The following LUZP1 variants were observed in gnomAD, a reference collection of about 807,000 sequenced individuals.
LUZP1 encodes the protein leucine zipper protein 1.
LUZP1 carries 25 observed loss-of-function variants against 71.3 expected under a neutral mutation model. That is an observed-to-expected ratio of 0.35 (90% confidence interval 0.26 to 0.49). The LOEUF is 0.49. Ranked by LOEUF, LUZP1 falls within the 20% of genes least tolerant of loss-of-function variation. The probability of loss-of-function intolerance (pLI) is 0.99; values close to 1 mark genes in which losing one functional copy is unlikely to be tolerated. For missense variants in LUZP1, 1,142 were observed against 1,300.8 expected, an observed-to-expected ratio of 0.88 and a Z score of 1.88; for synonymous variants, 481 against 506.4, an observed-to-expected ratio of 0.95 and a Z score of 0.67.
At chr1:23,172,173 A>G (rs1644556365) in intron 1 of LUZP1, among the ~76,000 whole-genome samples, 1 of 152,158 alleles carries the variant, frequency 6.6e-6, no homozygotes, top group Non-Finnish European at 1.5e-5. Flanking sequence ...ACATGTCCTC[A>G]TCCTCCCAGC....
chr1:23,171,516 C>A (rs1644552747), intron 1 of LUZP1, among the ~76,000 whole-genome samples: 1 of 152,306 alleles, frequency 6.6e-6, no homozygotes, highest in South Asian at 2.1e-4. Flanking sequence ...TTAAACCGCC[C>A]TTGGCATCTC....
chr1:23,159,508 T>C (rs1644447784), intron 2 of LUZP1, among the ~76,000 whole-genome samples: 1 of 152,226 alleles, frequency 6.6e-6, no homozygotes, highest in Non-Finnish European at 1.5e-5. Flanking sequence ...CAGTTCCTCA[T>C]CTGTAAAATG....
At chr1:23,130,261 T>TTCGGTATA (rs1644203839) in intron 2 of LUZP1, among the ~76,000 whole-genome samples, 1 of 152,194 alleles carries the variant, frequency 6.6e-6, no homozygotes, top group African/African-American at 2.4e-5. Flanking sequence ...CCTACTGACA[T>TTCGGTATA]TCGGTATATA....
chr1:23,163,016 C>T (rs968430933), intron 2 of LUZP1, among the ~76,000 whole-genome samples: 4 of 151,828 alleles, frequency 2.6e-5, no homozygotes, highest in South Asian at 2.1e-4. Context: ...CCGAGGCAGG[C>T]GGATCACGAG....
At chr1:23,158,379 A>C (rs1336725616) in intron 2 of LUZP1, among the ~76,000 whole-genome samples, 1 of 152,194 alleles carries the variant, frequency 6.6e-6, no homozygotes, top group African/African-American at 2.4e-5. Context: ...GGCTAGGCGC[A>C]GTGGCTCACG....
At chr1:23,111,381 C>G (rs928620954) in intron 2 of LUZP1, among the ~76,000 whole-genome samples, 7 of 149,400 alleles carry the variant, frequency 4.7e-5, no homozygotes, top group African/African-American at 1.7e-4. Flanking sequence ...AAGCAAGGCC[C>G]CCATCTCTAC....
intron 3 of LUZP1, among the ~76,000 whole-genome samples, chr1:23,106,886 C>T (rs1437990960): frequency 6.6e-6 from 1 of 152,192 alleles, no homozygotes; most frequent in Non-Finnish European, 1.5e-5. Context: ...TCAGTCAGAT[C>T]AAGTCACTCC....
At chr1:23,113,852 C>A (rs1397215272) in intron 2 of LUZP1, among the ~76,000 whole-genome samples, 3 of 150,990 alleles carry the variant, frequency 2.0e-5, no homozygotes, top group Admixed American at 2.0e-4. Context: ...TGCACTCCAG[C>A]CTGGCGACAG....
chr1:23,093,847 G>C lies in LUZP1; in HGVS notation c.415C>G (p.Leu139Val). The change falls in exon 4 of 5, where the codon CTG becomes GTG. Residue 139 changes from leucine to valine, a missense_variant. Physicochemically the swap from Leu to Val is conservative, Grantham distance 32. Transcript: ENST00000302291. This position sits in a 1 kb window ranked among gnomAD's most constrained non-coding sequence, Gnocchi z 4.2. ...AGATTTCTCTCCTCATTCAGGCTCA[G>C]ACACAGCTGGGTACAGTCATTCTTA... is the stretch of plus-strand genomic sequence containing the variant. The C allele has an allele frequency of 1.9e-6, 3 of 1,614,006 alleles. No homozygotes were observed. The highest frequency in any genetic ancestry group is 1.7e-6 in the Non-Finnish European group (2 of 1,180,010).
At chr1:23,139,043 T>TATAC (rs1289344066) in intron 2 of LUZP1, among the ~76,000 whole-genome samples, 6 of 124,612 alleles carry the variant, frequency 4.8e-5, no homozygotes, top group African/African-American at 1.9e-4. Context: ...TATATATATA[T>TATAC]ATACACACAT....
At chr1:23,167,829 A>G (rs1467511452) in intron 2 of LUZP1, among the ~76,000 whole-genome samples, 2 of 152,018 alleles carry the variant, frequency 1.3e-5, no homozygotes, top group Admixed American at 6.5e-5. Context: ...CACCAGCCCC[A>G]GAAACCGCAC....
chr1:23,083,957 G>C (rs1201249388), downstream of LUZP1: 1 of 146,076 alleles, frequency 6.8e-6, no homozygotes, highest in Non-Finnish European at 1.5e-5. Context: ...GGTGTGCCAA[G>C]AACATGGTTA....
chr1:23,110,618 G>T (rs1366757312), intron 2 of LUZP1, among the ~76,000 whole-genome samples: 1 of 124,768 alleles, frequency 8.0e-6, no homozygotes, highest in African/African-American at 3.1e-5. Context: ...CTGCGCGCAT[G>T]CATGAACGCG....
intron 2 of LUZP1, among the ~76,000 whole-genome samples, chr1:23,120,142 C>G (rs539892175): frequency 6.6e-6 from 1 of 152,116 alleles, no homozygotes; most frequent in East Asian, 1.9e-4. Flanking sequence ...GGGGTTTCAC[C>G]ATGTTGCCCA....
At chr1:23,157,280 T>C (rs1378055824) in intron 2 of LUZP1, among the ~76,000 whole-genome samples, 2 of 152,190 alleles carry the variant, frequency 1.3e-5, no homozygotes, top group Admixed American at 1.3e-4. Context: ...TGCAGTGAGC[T>C]GTGATCATGC....
At chr1:23,144,384 C>A (rs1375137952) in intron 2 of LUZP1, among the ~76,000 whole-genome samples, 2 of 152,112 alleles carry the variant, frequency 1.3e-5, no homozygotes, top group African/African-American at 4.8e-5. Context: ...CCTAGAAATA[C>A]TTAGATTCCA....
chr1:23,166,318 G>A (rs764471845), intron 2 of LUZP1, among the ~76,000 whole-genome samples: 1 of 152,060 alleles, frequency 6.6e-6, no homozygotes, highest in African/African-American at 2.4e-5. Context: ...GTGAACTTGG[G>A]ACAGCCACTT....
In LUZP1 at chr1:23,172,476, T is replaced by C. The variant is rs534341876; in HGVS notation, c.-484-3452A>G. On this transcript the variant is annotated intron_variant, in intron 1 of 4. Coordinates refer to ENST00000302291, the Ensembl canonical transcript of LUZP1. Reference sequence around the variant, plus strand: ...GAGTTTGAGACCAACCTGGGCAACATAGTGAGACCCCTGTCTTTACAAAAA... The same window carrying C: ...GAGTTTGAGACCAACCTGGGCAACACAGTGAGACCCCTGTCTTTACAAAAA... Among the ~76,000 whole-genome samples, 62 of 151,794 alleles carry C rather than the reference T, an allele frequency of 4.1e-4. No individual in the cohort carries two copies. The Middle Eastern group carries it at 0.01, about 25-fold the overall frequency.
At chr1:23,157,844 C>CAAA (rs59173298) in intron 2 of LUZP1, among the ~76,000 whole-genome samples, 2 of 146,088 alleles carry the variant, frequency 1.4e-5, no homozygotes, top group African/African-American at 5.0e-5. Flanking sequence ...TTGCCCCTAC[C>CAAA]AAAAAAAAAA....
Sources: gnomAD v4.1 joint callset for allele counts (sites outside exome capture counted in the v4.1 genomes callset) on GRCh38, gnomAD v4.1.1 for gene constraint, Gnocchi (gnomAD v3.1) non-coding constraint, MANE v1.5 for transcripts, NCBI Gene and HGNC (gene_info 2026-07-23, HGNC 2026-07-21) for gene names.